Variants in SGMS1 observed in about 807,000 individuals in gnomAD.
SGMS1 encodes sphingomyelin synthase 1.
SGMS1 carries 13 observed loss-of-function variants against 46.2 expected under a neutral mutation model. The observed-to-expected ratio is 0.28, with a 90% CI of 0.18 to 0.45. The LOEUF is 0.45. Ranked by LOEUF, SGMS1 falls within the 20% of genes least tolerant of loss-of-function variation. SGMS1 has a pLI of 1.00. For missense variants in SGMS1, 324 were observed against 519.9 expected, an observed-to-expected ratio of 0.62 and a Z score of 3.66; for synonymous variants, 203 against 187.8, an observed-to-expected ratio of 1.08 and a Z score of -0.66.
At chr10:50,475,089 C>G (rs1411176204) in intron 3 of SGMS1, among the ~76,000 whole-genome samples, 2 of 151,980 alleles carry the variant, frequency 1.3e-5, no homozygotes. Flanking sequence ...CCAGAATATC[C>G]AAGTCAATAA....
intron 7 of SGMS1, chr10:50,334,550 ACT>A (rs1847683818): frequency 6.6e-6 from 1 of 152,166 alleles, no homozygotes; most frequent in Admixed American, 6.5e-5. Context: ...TAAAAGCAAC[ACT>A]GTTTTTTTAA....
rs1847188286 is a variant in SGMS1 at position 50,306,926 on chromosome 10, C to T, written c.*216G>A. 4 of 426,106 alleles carry T rather than the reference C, an allele frequency of 9.4e-6. No homozygotes were observed. Among genetic ancestry groups the T allele is most frequent in the East Asian group, 6.9e-5 (2 of 28,840 alleles). The allele number at this position is 426,106 out of a possible 1,614,324, so 26.4% of individuals were successfully genotyped here. A position where few individuals can be genotyped will look rare whatever the true frequency, so the allele number is the denominator to read the frequency against. ...CAAACTTATGAACAGGAAATGTGTA[C>T]AGTGCATGATAGGTTAAATTTTTCT... On this transcript the variant is annotated 3_prime_UTR_variant, in exon 11 of 11. Transcript: ENST00000361781.
intron 2 of SGMS1, among the ~76,000 whole-genome samples, chr10:50,585,399 T>C (rs1838474194): frequency 6.6e-6 from 1 of 152,224 alleles, no homozygotes; most frequent in Non-Finnish European, 1.5e-5. Flanking sequence ...AAACATCACA[T>C]TACATACTCC....
intron 5 of SGMS1, among the ~76,000 whole-genome samples, chr10:50,436,461 A>G (rs186895273): frequency 6.6e-5 from 10 of 152,298 alleles, no homozygotes; most frequent in African/African-American, 2.4e-4. Context: ...GGTGATTGCG[A>G]TGAAGTTCAT....
chr10:50,400,607 C>T (rs1302518278), intron 6 of SGMS1, among the ~76,000 whole-genome samples: 1 of 151,560 alleles, frequency 6.6e-6, no homozygotes, highest in Non-Finnish European at 1.5e-5. Context: ...TATACCACCT[C>T]GCCCAGCCAA....
At chr10:50,622,209 C>G (rs1373041900) in intron 1 of SGMS1, among the ~76,000 whole-genome samples, 1 of 152,214 alleles carries the variant, frequency 6.6e-6, no homozygotes, top group African/African-American at 2.4e-5. Flanking sequence ...CAGACAGGCA[C>G]CCATCCCCCG....
intron 1 of SGMS1, among the ~76,000 whole-genome samples, chr10:50,600,172 C>T (rs1838636399): frequency 6.6e-6 from 1 of 152,174 alleles, no homozygotes; most frequent in South Asian, 2.1e-4. Context: ...TTTTCAAACA[C>T]AATTACTTTT....
At chr10:50,362,458 T>C (rs1848265205) in intron 6 of SGMS1, among the ~76,000 whole-genome samples, 1 of 152,226 alleles carries the variant, frequency 6.6e-6, no homozygotes, top group Admixed American at 6.5e-5. Flanking sequence ...TCCATGAAAC[T>C]GACACACAAT....
intron 6 of SGMS1, among the ~76,000 whole-genome samples, chr10:50,388,030 A>G (rs977919100): frequency 5.9e-5 from 9 of 152,236 alleles, no homozygotes; most frequent in African/African-American, 2.2e-4. Context: ...AAACCTTTAC[A>G]CTGAACTTAA....
chr10:50,458,339 C>CTTTTTTTTTTTTTTTTTTT lies in SGMS1; in HGVS notation c.-313+2315_-313+2333dup, dbSNP rs750349777. On this transcript the variant is annotated intron_variant, in intron 5 of 10. Transcript: ENST00000361781. ...TCTGGCTCTGCTATTTTCTTTTTCT[C>CTTTTTTTTTTTTTTTTTTT]TTTTTTTTTTTTTTTTTTTTTTTTT... Among the ~76,000 whole-genome samples the CTTTTTTTTTTTTTTTTTTT allele has an allele frequency of 5.5e-4, 53 of 97,144 alleles. 5 individuals are homozygous for CTTTTTTTTTTTTTTTTTTT. Among genetic ancestry groups the CTTTTTTTTTTTTTTTTTTT allele is most frequent in the Non-Finnish European group, 8.4e-4 (44 of 52,236 alleles). 63.7% of individuals were successfully genotyped at this position (97,144 alleles called of 152,430 possible).
chr10:50,586,789 G>A (rs773916741), intron 2 of SGMS1, among the ~76,000 whole-genome samples: 14 of 152,206 alleles, frequency 9.2e-5, no homozygotes, highest in Non-Finnish European at 1.9e-4. Flanking sequence ...AGCAGAAGCT[G>A]AGCACAACCT....
Position 50,623,407 on chromosome 10 carries a change from A to C in SGMS1, c.-684+300T>G, listed in dbSNP as rs1014884232. Among the ~76,000 whole-genome samples the C allele has an allele frequency of 1.1e-4, 16 of 152,004 alleles. No individual in the cohort carries two copies. The South Asian group carries it at 3.1e-3, about 30-fold the overall frequency. On this transcript the variant is annotated intron_variant, in intron 1 of 10. Coordinates refer to ENST00000361781, the MANE Select transcript of SGMS1 (RefSeq NM_147156.4). ...ACGCAGTAGCTCTGAAAAGGTGCCC[A>C]CTGACGCCTCCTCCTTCCTCCCCGC...
chr10:50,436,404 G>T (rs895771275), intron 5 of SGMS1, among the ~76,000 whole-genome samples: 1 of 152,140 alleles, frequency 6.6e-6, no homozygotes, highest in Non-Finnish European at 1.5e-5. Flanking sequence ...CCACCCATTT[G>T]GTGGAAGACA....
intron 2 of SGMS1, among the ~76,000 whole-genome samples, chr10:50,575,699 G>A (rs975601071): frequency 1.3e-5 from 2 of 151,394 alleles, no homozygotes; most frequent in African/African-American, 4.8e-5. Flanking sequence ...CAATACAAGT[G>A]TATACATATG....
intron 2 of SGMS1, among the ~76,000 whole-genome samples, chr10:50,556,818 C>T (rs1000709068): frequency 2.0e-5 from 3 of 152,150 alleles, no homozygotes; most frequent in Non-Finnish European, 4.4e-5. Flanking sequence ...CAATCAACAT[C>T]AAGTCCACTG....
In SGMS1 at chr10:50,375,530, G is replaced by A. The variant is rs116335593; in HGVS notation, c.-231-31185C>T. Among the ~76,000 whole-genome samples the A allele has an allele frequency of 2.4e-3, 372 of 152,224 alleles. 1 individual carries two copies. The highest frequency in any genetic ancestry group is 8.5e-3 in the African/African-American group (352 of 41,538). On this transcript the variant is annotated intron_variant, in intron 6 of 10. Transcript: ENST00000361781. Reference sequence around the variant, plus strand: ...CCAAGGCACAAATCTTGAGAAGGAGGGTTTGGCCACCATGGGAGAAATGAT... The same window carrying A: ...CCAAGGCACAAATCTTGAGAAGGAGAGTTTGGCCACCATGGGAGAAATGAT...
At chr10:50,598,996 G>A (rs992669287) in intron 1 of SGMS1, among the ~76,000 whole-genome samples, 5 of 152,202 alleles carry the variant, frequency 3.3e-5, no homozygotes, top group African/African-American at 1.2e-4. Flanking sequence ...GTAAAGTGAG[G>A]TGATGAAAGT....
intron 7 of SGMS1, among the ~76,000 whole-genome samples, chr10:50,330,183 G>A (rs895445606): frequency 6.6e-6 from 1 of 152,118 alleles, no homozygotes; most frequent in Non-Finnish European, 1.5e-5. Flanking sequence ...GTCAGGCATG[G>A]TGACTCACGC....
chr10:50,619,504 A>G (rs1055462583), intron 1 of SGMS1, among the ~76,000 whole-genome samples: 9 of 152,226 alleles, frequency 5.9e-5, no homozygotes, highest in African/African-American at 1.7e-4. Flanking sequence ...CATATCCTGC[A>G]CTGGAAAGAA....
Sources: allele counts gnomAD v4.1 joint callset (sites outside exome capture counted in the v4.1 genomes callset), GRCh38; gene constraint gnomAD v4.1.1; transcripts MANE v1.5; gene names NCBI Gene and HGNC (gene_info 2026-07-23, HGNC 2026-07-21).